The following WDR35 variants were observed in gnomAD, a reference collection of about 807,000 sequenced individuals.
WDR35 encodes the protein WD repeat domain 35, also known as WD repeat-containing protein 35.
WDR35 carries 118 observed loss-of-function variants against 158.3 expected under a neutral mutation model. The observed-to-expected ratio is 0.75, with a 90% CI of 0.64 to 0.87. The LOEUF (loss-of-function observed/expected upper bound fraction) is 0.87, where lower values mean the gene tolerates loss of function less well. Ranked by LOEUF, WDR35 falls within the 40% of genes least tolerant of loss-of-function variation. The pLI, the probability that WDR35 is intolerant of heterozygous loss-of-function variation, is 0.00. For missense variants in WDR35, 1,263 were observed against 1,405.8 expected (o/e 0.90, Z 1.62); for synonymous variants, 448 against 476.1 (o/e 0.94, Z 0.77).
intron 10 of WDR35, among the ~76,000 whole-genome samples, chr2:19,961,527 G>T (rs754237468): frequency 2.6e-5 from 4 of 152,174 alleles, no homozygotes; most frequent in Non-Finnish European, 5.9e-5. Context: ...CAAACAGGTG[G>T]TATCAAGAAC....
intron 25 of WDR35, among the ~76,000 whole-genome samples, chr2:19,920,555 AACTAGG>A (rs1344155502): frequency 6.6e-6 from 1 of 152,220 alleles, no homozygotes; most frequent in African/African-American, 2.4e-5. Flanking sequence ...ACTCTCAACA[AACTAGG>A]CACTGATGGA....
At chr2:19,927,846 A>G (rs150860820) in intron 25 of WDR35, among the ~76,000 whole-genome samples, 97 of 152,328 alleles carry the variant, frequency 6.4e-4, no homozygotes, top group African/African-American at 2.1e-3. Flanking sequence ...AACACTTGGA[A>G]GCCCTGTAAT....
rs1553313934 is a variant in WDR35 at position 19,914,079 on chromosome 2, G to A, written c.3320C>T (p.Ser1107Leu). 1.1e-5 allele frequency: 18 copies of A among 1,614,022 alleles called. No homozygotes were observed. The highest frequency in any genetic ancestry group is 1.4e-5 in the Non-Finnish European group (17 of 1,180,020). ...LALEIFTKHT[S>L]KDNRKPELDS... Reference sequence around the variant, plus strand: ...CAATTCAGGTTTTCTGTTATCTTTTGAAGTATGTTTGGTGAAGATTTCTAA... The same window carrying A: ...CAATTCAGGTTTTCTGTTATCTTTTAAAGTATGTTTGGTGAAGATTTCTAA... The change falls in exon 26 of 27, where the codon TCA becomes TTA. Residue 1107 changes from serine (S) to leucine (L), a missense_variant. Ser to Leu is a moderately radical substitution (Grantham distance 145, BLOSUM62 -2). Coordinates refer to ENST00000281405, the MANE Select transcript of WDR35 (RefSeq NM_020779.4).
At chr2:19,981,127 C>T (rs556205739) in intron 3 of WDR35, among the ~76,000 whole-genome samples, 11 of 152,228 alleles carry the variant, frequency 7.2e-5, no homozygotes, top group African/African-American at 2.6e-4. Flanking sequence ...CAAAGGACAC[C>T]ATAACAAGTA....
At chr2:19,942,989 T>C (rs187977018) in intron 16 of WDR35, among the ~76,000 whole-genome samples, 12 of 152,186 alleles carry the variant, frequency 7.9e-5, no homozygotes, top group African/African-American at 2.9e-4. Context: ...ATGTGCCATA[T>C]AATGAGTGTC....
intron 10 of WDR35, among the ~76,000 whole-genome samples, chr2:19,966,447 G>T (rs751089317): frequency 1.3e-5 from 2 of 151,918 alleles, no homozygotes; most frequent in Non-Finnish European, 2.9e-5. Flanking sequence ...ATTTGAAAAG[G>T]GATTGCGGTA....
chr2:19,929,860 T>A lies in WDR35; in HGVS notation c.3121+536A>T, dbSNP rs577838475. Among the ~76,000 whole-genome samples the A allele has an allele frequency of 3.9e-5, 6 of 152,190 alleles. No individual in the cohort carries two copies. In the South Asian group the frequency reaches 1.2e-3, roughly 31 times the overall value. ...TTACTTTTTCTTCATATTTTTCTGT[T>A]TTGGTTGAAATTATTAGCTAAGTAT... On this transcript the variant is annotated intron_variant, in intron 25 of 26. Coordinates refer to ENST00000281405, the MANE Select transcript of WDR35 (RefSeq NM_020779.4).
chr2:19,980,612 A>G (rs1672352731), intron 4 of WDR35, 79 bp downstream of exon 4: 12 of 1,147,020 alleles, frequency 1.0e-5, no homozygotes, highest in South Asian at 9.9e-5. Context: ...TATTTTGGAG[A>G]TGTTATTTAC....
At chr2:19,984,665 A>G (rs1313824918) in intron 2 of WDR35, among the ~76,000 whole-genome samples, 1 of 152,270 alleles carries the variant, frequency 6.6e-6, no homozygotes, top group African/African-American at 2.4e-5. Context: ...AACTGAAAAC[A>G]AAAGGTATGA....
At chr2:19,933,149 G>A (rs1004131200) in intron 22 of WDR35, among the ~76,000 whole-genome samples, 4 of 152,186 alleles carry the variant, frequency 2.6e-5, no homozygotes, top group African/African-American at 7.2e-5. Flanking sequence ...CACAAGGTTT[G>A]TTCATGCTCC....
intron 2 of WDR35, among the ~76,000 whole-genome samples, chr2:19,984,055 A>G (rs1258509616): frequency 2.3e-5 from 1 of 44,034 alleles, no homozygotes. Flanking sequence ...ATATACACAC[A>G]CCCACATATT....
At chr2:19,960,326 C>G (rs1253730122) in intron 11 of WDR35, among the ~76,000 whole-genome samples, 1 of 151,986 alleles carries the variant, frequency 6.6e-6, no homozygotes, top group African/African-American at 2.4e-5. Flanking sequence ...ATAGACTAAC[C>G]TTATAATTTA....
chr2:19,974,767 CACTT>C (rs1558356411), intron 6 of WDR35, 134 bp from the exon 7 acceptor site: 1 of 798,222 alleles, frequency 1.3e-6, no homozygotes, highest in Non-Finnish European at 1.9e-6. Context: ...AAAGCTTAAT[CACTT>C]ACTGGTATAC....
intron 22 of WDR35, among the ~76,000 whole-genome samples, chr2:19,932,892 GT>G (rs1260928171): frequency 1.3e-5 from 2 of 152,090 alleles, no homozygotes; most frequent in Non-Finnish European, 2.9e-5. Flanking sequence ...TACATTAATA[GT>G]CAATAGTTTC....
chr2:19,915,535 T>C (rs957105485), intron 25 of WDR35, among the ~76,000 whole-genome samples: 8 of 152,074 alleles, frequency 5.3e-5, no homozygotes, highest in Admixed American at 5.2e-4. Flanking sequence ...AAATGGTGTA[T>C]AAATTGAATA....
At position 19,912,133 on chromosome 2, in the gene WDR35, C is replaced by T. The variant is rs573681747; in HGVS notation, c.*1425G>A. On this transcript the variant is annotated 3_prime_UTR_variant, in exon 27 of 27. Transcript: ENST00000281405. ...GGATTCAGGTGTTGCGGTCTTTCCACTCCACTGGCACGTTACACTAACAGT... is the reference window on the plus strand; with the variant it reads ...GGATTCAGGTGTTGCGGTCTTTCCATTCCACTGGCACGTTACACTAACAGT... The T allele has an allele frequency of 6.6e-6, 1 of 152,344 alleles. No individual in the cohort carries two copies. Among genetic ancestry groups the T allele is most frequent in the South Asian group, 2.1e-4 (1 of 4,822 alleles). The allele number at this position is 152,344 out of a possible 1,614,324, so 9.4% of individuals were successfully genotyped here.
At chr2:19,928,386 G>C (rs1002074437) in intron 25 of WDR35, among the ~76,000 whole-genome samples, 2 of 152,138 alleles carry the variant, frequency 1.3e-5, no homozygotes, top group Admixed American at 1.3e-4. Flanking sequence ...TCTGTTCGGG[G>C]CTCTCAGCTC....
chr2:19,941,500 T>A lies in WDR35; in HGVS notation c.1926+259A>T, dbSNP rs1312116333. ...ACATTATCTTATATAATAACAATCC[T>A]ATAAGTAGTATTATTATCTGTATTT... On this transcript the variant is annotated intron_variant, in intron 17 of 26. Transcript: ENST00000281405. Among the ~76,000 whole-genome samples the A allele has an allele frequency of 3.3e-5, 5 of 152,204 alleles. No homozygotes were observed. The East Asian group carries it at 9.6e-4, about 29-fold the overall frequency.
intron 10 of WDR35, among the ~76,000 whole-genome samples, chr2:19,961,238 T>C (rs1488380442): frequency 6.6e-6 from 1 of 152,200 alleles, no homozygotes; most frequent in East Asian, 1.9e-4. Context: ...CAACTCACTT[T>C]AAGAAGGGAC....
Sources: allele counts gnomAD v4.1 joint callset (sites outside exome capture counted in the v4.1 genomes callset), GRCh38; gene constraint gnomAD v4.1.1; transcripts MANE v1.5; gene names NCBI Gene and HGNC (gene_info 2026-07-23, HGNC 2026-07-21).